Variants in CENPH observed in about 807,000 individuals in gnomAD.
The protein encoded by CENPH is CENP-H.
CENPH carries 40 observed loss-of-function variants against 42.9 expected under a neutral mutation model. That is an observed-to-expected ratio of 0.93 (90% CI 0.72 to 1.21). CENPH has a LOEUF of 1.21. CENPH is among the 50% of genes most tolerant of loss of function. The probability of loss-of-function intolerance (pLI) is 0.00; values close to 1 mark genes in which losing one functional copy is unlikely to be tolerated. For missense variants in CENPH, 302 were observed against 292.9 expected (o/e 1.03, Z -0.23); for synonymous variants, 88 against 96.5 (o/e 0.91, Z 0.52).
At chr5:69,204,257 T>A (rs895424324) in intron 7 of CENPH, among the ~76,000 whole-genome samples, 4 of 151,286 alleles carry the variant, frequency 2.6e-5, no homozygotes, top group Non-Finnish European at 5.9e-5. Context: ...TAAATTTTTT[T>A]TATTTTCCAT....
intron 4 of CENPH, among the ~76,000 whole-genome samples, chr5:69,196,494 A>C (rs920795832): frequency 6.6e-6 from 1 of 152,044 alleles, no homozygotes; most frequent in African/African-American, 2.4e-5. Context: ...AAAATACAAA[A>C]ATTAGCCAGG....
intron 7 of CENPH, among the ~76,000 whole-genome samples, chr5:69,204,328 T>C (rs1748111798): frequency 6.6e-6 from 1 of 151,798 alleles, no homozygotes; most frequent in Non-Finnish European, 1.5e-5. Context: ...TCACCCAGGC[T>C]GGAGTGCAGT....
At chr5:69,192,944 A>G (rs1747900196) in intron 2 of CENPH, among the ~76,000 whole-genome samples, 1 of 151,108 alleles carries the variant, frequency 6.6e-6, no homozygotes, top group African/African-American at 2.4e-5. Context: ...TAAAAATACA[A>G]AATTAGCTGG....
chr5:69,190,424 A>G (rs968354602), intron 1 of CENPH, among the ~76,000 whole-genome samples: 1 of 152,212 alleles, frequency 6.6e-6, no homozygotes, highest in Non-Finnish European at 1.5e-5. Context: ...CAGTTTCCAT[A>G]AACAGTTTTA....
At chr5:69,208,803 T>C (rs544905622) in intron 8 of CENPH, among the ~76,000 whole-genome samples, 1 of 151,970 alleles carries the variant, frequency 6.6e-6, no homozygotes, top group East Asian at 2.0e-4. Flanking sequence ...TTGATTTTTC[T>C]TTTTTCTTTT....
chr5:69,191,832 A>G lies in CENPH; in HGVS notation c.172A>G (p.Lys58Glu). 2 of 1,548,012 alleles carry G rather than the reference A, an allele frequency of 1.3e-6. No individual in the cohort carries two copies. Among genetic ancestry groups the G allele is most frequent in the Non-Finnish European group, 1.8e-6 (2 of 1,121,222 alleles). The change falls in exon 2 of 9, where the codon AAA becomes GAA. Residue 58 changes from lysine (K) to glutamate (E), a missense_variant. Transcript: ENST00000283006. ...GACAAAACAACAACTCTTAGAATAT[A>G]AATCAATGGTTGATGCAAGTAAGTA... ...AQTKQQLLEY[K>E]SMVDASEEKT... is the part of the protein sequence containing the mutation.
intron 8 of CENPH, among the ~76,000 whole-genome samples, chr5:69,209,348 G>A (rs1181010815): frequency 2.6e-5 from 4 of 151,984 alleles, no homozygotes; most frequent in Non-Finnish European, 5.9e-5. Flanking sequence ...GACCAGCTGA[G>A]CCAATACGTT....
At chr5:69,206,608 C>T (rs1748164256) in intron 7 of CENPH, among the ~76,000 whole-genome samples, 1 of 152,116 alleles carries the variant, frequency 6.6e-6, no homozygotes. Flanking sequence ...CCTACCTCAG[C>T]CTCTTGAGTA....
In CENPH at chr5:69,202,948, T is replaced by A; in HGVS notation, c.465T>A (p.Leu155=). Residue 155 remains leucine (L), a synonymous_variant, in exon 7 of 9, where the codon CTT becomes CTA. Coordinates refer to ENST00000283006, the MANE Select transcript of CENPH (RefSeq NM_022909.4). The stretch of plus-strand genomic sequence containing the variant: ...CTTGGGATTTAGAGGAAAAACTGCT[T>A]GATATTAGAAAGAAGAGATTGCGTA... ...QESWDLEEKL[L]DIRKKRLQLK... is the part of the protein sequence containing the mutation. The A allele has an allele frequency of 2.5e-6, 4 of 1,594,372 alleles. No individual in the cohort carries two copies. The highest frequency in any genetic ancestry group is 2.6e-6 in the Non-Finnish European group (3 of 1,167,884).
chr5:69,205,029 C>T (rs868840135), intron 7 of CENPH, among the ~76,000 whole-genome samples: 2 of 151,284 alleles, frequency 1.3e-5, no homozygotes, highest in Admixed American at 6.6e-5. Context: ...AGTGATTCTC[C>T]GGTCTCAGCC....
intron 8 of CENPH, among the ~76,000 whole-genome samples, chr5:69,209,158 T>C (rs1470979320): frequency 6.6e-6 from 1 of 152,208 alleles, no homozygotes; most frequent in Admixed American, 6.6e-5. Flanking sequence ...AAAAAATTAT[T>C]GTAAACATTG....
intron 7 of CENPH, among the ~76,000 whole-genome samples, chr5:69,204,930 T>C (rs1308704556): frequency 6.9e-6 from 1 of 145,918 alleles, no homozygotes; most frequent in African/African-American, 2.5e-5. Flanking sequence ...TTTTTTTTTT[T>C]TTTTTTGAGA....
chr5:69,203,132 TTCTGTTTA>T (rs1185549707), intron 7 of CENPH, among the ~76,000 whole-genome samples, 162 bp downstream of exon 7: 1 of 152,182 alleles, frequency 6.6e-6, no homozygotes, highest in Non-Finnish European at 1.5e-5. Flanking sequence ...GTACATTTTG[TTCTGTTTA>T]TTCTCATTGT....
At chr5:69,197,336 G>T (rs907018753) in intron 5 of CENPH, 21 of 372,274 alleles carry the variant, frequency 5.6e-5, no homozygotes, top group African/African-American at 4.4e-4. Flanking sequence ...TTATCCAGAA[G>T]ATTGGAAAAT....
At chr5:69,202,863 A>T in intron 6 of CENPH, 56 bp from the exon 7 acceptor site, 2 of 1,057,008 alleles carry the variant, frequency 1.9e-6, no homozygotes, top group African/African-American at 1.6e-5. Flanking sequence ...TTTAAGTATT[A>T]CAGGTTTGTC....
intron 8 of CENPH, among the ~76,000 whole-genome samples, 200 bp downstream of exon 8, chr5:69,208,559 A>G (rs1312835117): frequency 6.6e-6 from 1 of 151,974 alleles, no homozygotes; most frequent in African/African-American, 2.4e-5. Context: ...GGGTTTCACC[A>G]TGTTGGCTAG....
At chr5:69,208,033 G>C (rs1043769778) in intron 7 of CENPH, 163 bp from the exon 8 acceptor site, 5 of 429,704 alleles carry the variant, frequency 1.2e-5, no homozygotes, top group Non-Finnish European at 2.1e-5. Flanking sequence ...TTGCACCAGG[G>C]AAGTCATTTT....
intron 7 of CENPH, among the ~76,000 whole-genome samples, chr5:69,205,258 C>CGTTCT (rs1554058701): frequency 2.0e-5 from 3 of 150,860 alleles, no homozygotes; most frequent in African/African-American, 7.3e-5. Context: ...GAAATAGTTT[C>CGTTCT]GCTCTGTTGT....
At chr5:69,195,668 G>A in intron 3 of CENPH, 49 bp from the exon 4 acceptor site, 1 of 1,048,420 alleles carries the variant, frequency 9.5e-7, no homozygotes, top group Middle Eastern at 2.6e-4. Context: ...TTTCAATAAT[G>A]TCTTTTTCTG....
Sources: gnomAD v4.1 joint callset for allele counts (sites outside exome capture counted in the v4.1 genomes callset) on GRCh38, gnomAD v4.1.1 for gene constraint, MANE v1.5 for transcripts, NCBI Gene and HGNC (gene_info 2026-07-23, HGNC 2026-07-21) for gene names.